Variants in HIVEP1 observed in about 807,000 individuals in gnomAD.
HIVEP1 encodes the protein zinc finger protein 40.
In HIVEP1, 36 loss-of-function variants were observed where a neutral mutation model predicts 180.0. The ratio of observed to expected loss-of-function variants is 0.20; its 90% CI spans 0.15 to 0.26. The LOEUF (loss-of-function observed/expected upper bound fraction) is 0.26, where lower values mean the gene tolerates loss of function less well. HIVEP1 is among the 10% of genes least tolerant of loss of function. HIVEP1 has a pLI of 1.00. For missense variants in HIVEP1, 3,143 were observed against 3,268.7 expected (o/e 0.96, Z 0.94); for synonymous variants, 1,239 against 1,239.0 (o/e 1.00, Z 0.00).
chr6:12,047,731 C>A (rs577278976), intron 2 of HIVEP1, among the ~76,000 whole-genome samples: 2 of 152,178 alleles, frequency 1.3e-5, no homozygotes, highest in Non-Finnish European at 2.9e-5. Flanking sequence ...TTCACCCTTA[C>A]GTTTCTTAGG....
chr6:12,199,195 A>G, the HIVEP1 span, among the ~76,000 whole-genome samples: 1 of 152,168 alleles, frequency 6.6e-6, no homozygotes, highest in African/African-American at 2.4e-5. Flanking sequence ...CCTGGTTCAA[A>G]TCATATTTAA....
the HIVEP1 span, among the ~76,000 whole-genome samples, chr6:12,173,274 C>T: frequency 6.6e-6 from 1 of 152,018 alleles, no homozygotes; most frequent in Non-Finnish European, 1.5e-5. Flanking sequence ...TTATGAAGTT[C>T]CTGAGTCTGA....
intron 7 of HIVEP1, among the ~76,000 whole-genome samples, chr6:12,156,222 C>G (rs1195295784): frequency 6.6e-6 from 1 of 152,040 alleles, no homozygotes; most frequent in African/African-American, 2.4e-5. Flanking sequence ...GATGATAGTT[C>G]CTTTTGTTGT....
At chr6:12,044,205 C>G (rs537661428) in intron 2 of HIVEP1, among the ~76,000 whole-genome samples, 27 of 152,232 alleles carry the variant, frequency 1.8e-4, no homozygotes, top group African/African-American at 6.5e-4. Flanking sequence ...CCACCACCCC[C>G]ATAGAACGCT....
chr6:12,127,001 G>A (rs1561979624), intron 4 of HIVEP1, among the ~76,000 whole-genome samples: 1 of 151,978 alleles, frequency 6.6e-6, no homozygotes, highest in Non-Finnish European at 1.5e-5. Context: ...GGGATTACAG[G>A]TGCCCACCAC....
At chr6:12,135,405 CA>C (rs1030330607) in intron 6 of HIVEP1, among the ~76,000 whole-genome samples, 2 of 152,112 alleles carry the variant, frequency 1.3e-5, no homozygotes, top group African/African-American at 4.8e-5. Context: ...TGCAAAGAAA[CA>C]AATGAGAAAG....
At chr6:12,047,593 A>G (rs945247538) in intron 2 of HIVEP1, among the ~76,000 whole-genome samples, 27 of 152,376 alleles carry the variant, frequency 1.8e-4, no homozygotes, top group African/African-American at 6.3e-4. Flanking sequence ...ACTCAGAAGC[A>G]GGTGTTCTGC....
At chr6:12,141,691 CAAAAAAAAAAAAAAAAAAAAA>C (rs60419579) in intron 7 of HIVEP1, among the ~76,000 whole-genome samples, 4 of 19,232 alleles carry the variant, frequency 2.1e-4, no homozygotes, top group Non-Finnish European at 4.7e-4. Context: ...AAATGGAAAG[CAAAAAAAAAAAAAAAAAAAAA>C]AAAAAAAAGC....
chr6:12,109,043 G>A (rs1383419172), intron 3 of HIVEP1, among the ~76,000 whole-genome samples: 1 of 152,166 alleles, frequency 6.6e-6, no homozygotes, highest in Non-Finnish European at 1.5e-5. Flanking sequence ...GCAGCGGCGC[G>A]ATCTTGGCTT....
At chr6:12,011,691 G>GGGGCC (rs1398694166), upstream of HIVEP1, among the ~76,000 whole-genome samples, 6 of 148,804 alleles carry the variant, frequency 4.0e-5, no homozygotes, top group Non-Finnish European at 7.5e-5. Flanking sequence ...GGCGCGGTCT[G>GGGGCC]GGGCCCGCCC....
At chr6:12,015,776 G>GAGCGCCCTGCCTGGTGAC in intron 2 of HIVEP1, 108 bp downstream of exon 2, 4 of 919,688 alleles carry the variant, frequency 4.3e-6, no homozygotes, top group Non-Finnish European at 5.2e-6. Flanking sequence ...TGCCTGGTGA[G>GAGCGCCCTGCCTGGTGAC]GAGCGCTATT....
chr6:12,061,171 A>G (rs1771207532), intron 2 of HIVEP1, among the ~76,000 whole-genome samples: 1 of 152,180 alleles, frequency 6.6e-6, no homozygotes, highest in South Asian at 2.1e-4. Context: ...GTGCCTGTGG[A>G]TTCTCTATGT....
At chr6:12,157,310 A>G (rs1017322212) in intron 7 of HIVEP1, among the ~76,000 whole-genome samples, 1 of 152,044 alleles carries the variant, frequency 6.6e-6, no homozygotes, top group African/African-American at 2.4e-5. Flanking sequence ...ACCCCTTTTA[A>G]TGTTATTATT....
intron 5 of HIVEP1, 30 bp from the exon 6 acceptor site, chr6:12,130,737 C>A: frequency 7.6e-7 from 1 of 1,314,682 alleles, no homozygotes; most frequent in Non-Finnish European, 1.1e-6. Flanking sequence ...AGTGTCCAAT[C>A]TCCCTATTCA....
At chr6:12,065,695 G>GCA (rs1771527490) in intron 2 of HIVEP1, among the ~76,000 whole-genome samples, 2 of 57,804 alleles carry the variant, frequency 3.5e-5, no homozygotes, top group Non-Finnish European at 8.3e-5. Context: ...GTGTGTGCGT[G>GCA]TGTGTGTGTG....
At chr6:12,011,302 T>G, upstream of HIVEP1, among the ~76,000 whole-genome samples, 1 of 26,066 alleles carries the variant, frequency 3.8e-5, no homozygotes, top group Non-Finnish European at 7.7e-5. Flanking sequence ...CCTCCCCCAT[T>G]CTGCCCGGGC....
intron 2 of HIVEP1, among the ~76,000 whole-genome samples, chr6:12,019,707 T>C (rs562403527): frequency 6.6e-6 from 1 of 152,350 alleles, no homozygotes; most frequent in Admixed American, 6.5e-5. Context: ...TCTCAAATTA[T>C]ATTTTTCTTA....
At chr6:12,054,072 A>G (rs1338180270) in intron 2 of HIVEP1, among the ~76,000 whole-genome samples, 2 of 152,190 alleles carry the variant, frequency 1.3e-5, no homozygotes, top group East Asian at 1.9e-4. Flanking sequence ...TCAGGCTCGC[A>G]TTGCCCATAA....
At chr6:12,187,314 T>C in the HIVEP1 span, among the ~76,000 whole-genome samples, 3 of 151,616 alleles carry the variant, frequency 2.0e-5, no homozygotes, top group Non-Finnish European at 4.4e-5. Context: ...TAATGGGAGG[T>C]GTTTGGGTCA....
Sources: gnomAD v4.1 joint callset for allele counts (sites outside exome capture counted in the v4.1 genomes callset) on GRCh38, gnomAD v4.1.1 for gene constraint, MANE v1.5 for transcripts, NCBI Gene and HGNC (gene_info 2026-07-23, HGNC 2026-07-21) for gene names.